Variants in RPS18 observed in about 807,000 individuals in gnomAD.
RPS18 encodes the protein ribosomal protein S18.
For synonymous variants in RPS18, 64 were observed against 70.9 expected (o/e 0.90, Z 0.49); for missense variants, 49 against 200.8 (o/e 0.24, Z 4.57).
intron 1 of RPS18, 151 bp from the exon 2 acceptor site, chr6:33,272,477 C>T (rs1308550650): frequency 2.9e-5 from 20 of 700,946 alleles, no homozygotes; most frequent in Non-Finnish European, 5.3e-5. Flanking sequence ...GGAGTTTGCT[C>T]TGTGGTGTGA....
In RPS18 at chr6:33,276,369, ACT is replaced by A. The variant is rs1392683989; in HGVS notation, c.384-19_384-18del. 8 of 1,612,576 alleles carry A rather than the reference ACT, an allele frequency of 5.0e-6. No homozygotes were observed. Among genetic ancestry groups the A allele is most frequent in the Non-Finnish European group, 5.9e-6 (7 of 1,179,232 alleles). On this transcript the variant is annotated intron_variant, in intron 5 of 5. Transcript: ENST00000439602. ...TTGTTTCTGCTGTGCATGACCTGTG[ACT>A]CTTCTCTTTTTACCTGCAGCCTTCG...
At chr6:33,272,311 C>T in intron 1 of RPS18, 189 bp downstream of exon 1, 1 of 673,720 alleles carries the variant, frequency 1.5e-6, no homozygotes, top group Non-Finnish European at 2.5e-6. Context: ...AGGGTCACTG[C>T]TCGGGCGCAC....
At chr6:33,272,469 A>G (rs149686491) in intron 1 of RPS18, 159 bp from the exon 2 acceptor site, 42 of 684,848 alleles carry the variant, frequency 6.1e-5, no homozygotes, top group Admixed American at 3.1e-4. Context: ...AGGACTGAGG[A>G]GTTTGCTCTG....
rs1052088118 is a variant in RPS18 at position 33,272,497 on chromosome 6, G to T, written c.4-131G>T. 44 of 727,024 alleles carry T rather than the reference G, an allele frequency of 6.1e-5. No individual in the cohort carries two copies. The African/African-American group carries it at 7.4e-4, about 12-fold the overall frequency. 45.0% of individuals were successfully genotyped at this position (727,024 alleles called of 1,614,324 possible). On this transcript the variant is annotated intron_variant, in intron 1 of 5. Transcript: ENST00000439602. ...TTGCTCTGTGGTGTGAAAACCTAAGGAATGGGGGGCGGGTGTCTTGCCACT... is the reference window on the plus strand; with the variant it reads ...TTGCTCTGTGGTGTGAAAACCTAAGTAATGGGGGGCGGGTGTCTTGCCACT...
At chr6:33,272,276 C>T in intron 1 of RPS18, 154 bp downstream of exon 1, 1 of 876,888 alleles carries the variant, frequency 1.1e-6, no homozygotes, top group Non-Finnish European at 1.8e-6. Flanking sequence ...CAAAGATTTC[C>T]AATTCCGGAG....
At chr6:33,275,482 C>T (rs748989703) in intron 2 of RPS18, 28 of 319,464 alleles carry the variant, frequency 8.8e-5, no homozygotes, top group Non-Finnish European at 1.4e-4. Flanking sequence ...TGCTCAGCAA[C>T]TTTTCTTGTA....
Position 33,276,466 on chromosome 6 carries a change from A to G in RPS18, c.459A>G (p.Ter153=), listed in dbSNP as rs780062122. The G allele has an allele frequency of 6.2e-7, 1 of 1,605,142 alleles. No homozygotes were observed. Among genetic ancestry groups the G allele is most frequent in the Non-Finnish European group, 8.5e-7 (1 of 1,172,674 alleles). Residue 153 remains the stop codon, a stop_retained_variant, in exon 6 of 6, where the codon TAA becomes TAG. Transcript: ENST00000439602. Reference sequence around the variant, plus strand: ...CCGTGGGTGTGTCCAAGAAGAAATAAGTCTGTAGGCCTTGTCTGTTAATAA... The same window carrying G: ...CCGTGGGTGTGTCCAAGAAGAAATAGGTCTGTAGGCCTTGTCTGTTAATAA... ...GRTVGVSKKK[*]
chr6:33,274,787 C>T (rs138278629), intron 2 of RPS18, among the ~76,000 whole-genome samples: 82 of 152,192 alleles, frequency 5.4e-4, no homozygotes, highest in African/African-American at 1.7e-3. Flanking sequence ...TAATTATTTC[C>T]GTAACGACCT....
In RPS18 at chr6:33,272,130, TG is replaced by T; in HGVS notation, c.3+10del. 1 of 1,564,834 alleles carries T rather than the reference TG, an allele frequency of 6.4e-7. No homozygotes were observed. The highest frequency in any genetic ancestry group is 8.7e-7 in the Non-Finnish European group (1 of 1,154,594). ...GCTTGTGCTGCAGCCATGGTAAGAC[TG>T]GAATCCGTGCCGTGATCCAGCGGCA... On this transcript the variant is annotated intron_variant, in intron 1 of 5. Coordinates refer to ENST00000439602, the MANE Select transcript of RPS18 (RefSeq NM_022551.3).
chr6:33,276,473 A>G lies in RPS18; in HGVS notation c.*7A>G. The stretch of plus-strand genomic sequence containing the variant: ...TGTGTCCAAGAAGAAATAAGTCTGT[A>G]GGCCTTGTCTGTTAATAAATAGTTT... On this transcript the variant is annotated 3_prime_UTR_variant, in exon 6 of 6. Coordinates refer to ENST00000439602, the MANE Select transcript of RPS18 (RefSeq NM_022551.3). 6.3e-7 allele frequency: 1 copy of G among 1,593,926 alleles called. No homozygotes were observed. The highest frequency in any genetic ancestry group is 8.6e-7 in the Non-Finnish European group (1 of 1,164,720).
intron 2 of RPS18, chr6:33,275,516 C>G (rs950230170): frequency 2.6e-5 from 11 of 431,216 alleles, no homozygotes; most frequent in Non-Finnish European, 4.6e-5. Context: ...CAGGGTTTCA[C>G]CATGTTGGCC....
At chr6:33,274,257 G>A (rs903940157) in intron 2 of RPS18, among the ~76,000 whole-genome samples, 3 of 152,118 alleles carry the variant, frequency 2.0e-5, no homozygotes, top group Non-Finnish European at 2.9e-5. Context: ...CTGGAGTGGC[G>A]GAATCACTCT....
intron 2 of RPS18, among the ~76,000 whole-genome samples, chr6:33,274,874 T>C (rs1052212427): frequency 5.3e-5 from 8 of 152,190 alleles, no homozygotes; most frequent in African/African-American, 1.9e-4. Context: ...AGTTCCTCCT[T>C]CACTCTCCAA....
At chr6:33,275,744 G>A in intron 2 of RPS18, 53 bp from the exon 3 acceptor site, 3 of 1,166,606 alleles carry the variant, frequency 2.6e-6, no homozygotes, top group Non-Finnish European at 3.9e-6. Flanking sequence ...AGGCTATAAA[G>A]GAATTTAAAA....
chr6:33,274,710 C>A (rs1035782180), intron 2 of RPS18, among the ~76,000 whole-genome samples: 1 of 151,748 alleles, frequency 6.6e-6, no homozygotes, highest in African/African-American at 2.4e-5. Context: ...TGGTCCTCTT[C>A]GTGTCTCTCT....
chr6:33,272,639 C>G lies in RPS18; in HGVS notation c.15C>G (p.Ile5Met), dbSNP rs781640785. The part of the protein sequence containing the change: MSLV[I>M]PEKFQHILRV... ...ACTTTTTCAACTAGTCTCTAGTGAT[C>G]CCTGAAAAGTTCCAGCATATTTTGC... Residue 5 changes from isoleucine to methionine, a missense_variant, in exon 2 of 6, where the codon ATC becomes ATG. By Grantham distance (10) the Ile-to-Met change is conservative. Coordinates refer to ENST00000439602, the MANE Select transcript of RPS18 (RefSeq NM_022551.3). 1 of 1,478,824 alleles carries G rather than the reference C, an allele frequency of 6.8e-7. No individual in the cohort carries two copies. The highest frequency in any genetic ancestry group is 1.1e-5 in the South Asian group (1 of 88,410). 91.6% of individuals were successfully genotyped at this position (1,478,824 alleles called of 1,614,324 possible).
At chr6:33,275,109 T>C (rs922011543) in intron 2 of RPS18, among the ~76,000 whole-genome samples, 5 of 152,132 alleles carry the variant, frequency 3.3e-5, no homozygotes, top group Non-Finnish European at 7.4e-5. Flanking sequence ...GCCCAATACC[T>C]TAATCAAAGC....
chr6:33,272,760 A>G (rs1320807390), intron 2 of RPS18, 34 bp downstream of exon 2: 1 of 1,045,030 alleles, frequency 9.6e-7, no homozygotes, highest in Non-Finnish European at 1.5e-6. Flanking sequence ...AGGGAATGTA[A>G]ATGAGAATTG....
At chr6:33,272,882 C>G (rs147563101) in intron 2 of RPS18, among the ~76,000 whole-genome samples, 156 bp downstream of exon 2, 2 of 152,254 alleles carry the variant, frequency 1.3e-5, no homozygotes, top group Non-Finnish European at 2.9e-5. Flanking sequence ...GAGACTGACC[C>G]CTTTAGCATT....
Sources: gnomAD v4.1 joint callset for allele counts (sites outside exome capture counted in the v4.1 genomes callset) on GRCh38, gnomAD v4.1.1 for gene constraint, MANE v1.5 for transcripts, NCBI Gene and HGNC (gene_info 2026-07-23, HGNC 2026-07-21) for gene names.